Variants in TUSC3 observed in about 807,000 individuals in gnomAD.
TUSC3 encodes tumor suppressor candidate 3, also known as dolichyl-diphosphooligosaccharide--protein glycosyltransferase subunit TUSC3.
A neutral mutation model predicts 44.8 loss-of-function variants in TUSC3; 45 were observed. That is an observed-to-expected ratio of 1.00 (90% CI 0.79 to 1.29). The LOEUF is 1.29. Ranked by LOEUF, TUSC3 falls within the 50% of genes most tolerant of loss-of-function variation. The probability of loss-of-function intolerance (pLI) is 0.00; values close to 1 mark genes in which losing one functional copy is unlikely to be tolerated. For synonymous variants in TUSC3, 212 were observed against 152.9 expected (o/e 1.39, Z -2.85); for missense variants, 519 against 437.9 (o/e 1.19, Z -1.65).
At chr8:15,817,575 C>T in the TUSC3 span, among the ~76,000 whole-genome samples, 1 of 152,010 alleles carries the variant, frequency 6.6e-6, no homozygotes, top group Non-Finnish European at 1.5e-5. Flanking sequence ...CTCATGAGAT[C>T]TGATGGTTTT....
At chr8:15,696,290 G>T (rs1350206629) in intron 6 of TUSC3, among the ~76,000 whole-genome samples, 2 of 152,158 alleles carry the variant, frequency 1.3e-5, no homozygotes, top group Admixed American at 1.3e-4. Flanking sequence ...TCGGGATGTG[G>T]ATTCCGAGGG....
At chr8:15,495,367 G>A (rs1286779280) in intron 2 of TUSC3, among the ~76,000 whole-genome samples, 2 of 152,114 alleles carry the variant, frequency 1.3e-5, no homozygotes, top group African/African-American at 2.4e-5. Context: ...TTTGTCAAAT[G>A]CCAATTATTT....
chr8:15,741,700 A>C (rs988578094), intron 7 of TUSC3, among the ~76,000 whole-genome samples: 1 of 152,334 alleles, frequency 6.6e-6, no homozygotes, highest in South Asian at 2.1e-4. Flanking sequence ...AAATTAAAAA[A>C]AAAAAATTAA....
chr8:15,794,615 T>A, the TUSC3 span, among the ~76,000 whole-genome samples: 1 of 152,118 alleles, frequency 6.6e-6, no homozygotes, highest in Non-Finnish European at 1.5e-5. Context: ...ATAACAGGAT[T>A]TTTTTTCTGG....
chr8:15,633,790 G>C (rs1388358711), intron 2 of TUSC3, among the ~76,000 whole-genome samples: 3 of 152,116 alleles, frequency 2.0e-5, no homozygotes, highest in Non-Finnish European at 4.4e-5. Context: ...CTCATACCTT[G>C]ATTTTAGACT....
intron 1 of TUSC3, among the ~76,000 whole-genome samples, chr8:15,586,289 A>G (rs1362440712): frequency 1.3e-5 from 2 of 152,300 alleles, no homozygotes; most frequent in East Asian, 1.9e-4. Context: ...AGAAGCTTGT[A>G]TAAGTCATTA....
the TUSC3 span, among the ~76,000 whole-genome samples, chr8:15,808,743 G>A: frequency 6.6e-6 from 1 of 152,104 alleles, no homozygotes; most frequent in Non-Finnish European, 1.5e-5. Flanking sequence ...GTCAGTCAGT[G>A]TTAGCTTTGG....
At chr8:15,526,723 C>G (rs1585076438) in intron 2 of TUSC3, among the ~76,000 whole-genome samples, 2 of 152,126 alleles carry the variant, frequency 1.3e-5, no homozygotes, top group East Asian at 3.9e-4. Context: ...TACCCAGTCT[C>G]AGGTATGTGT....
intron 6 of TUSC3, among the ~76,000 whole-genome samples, chr8:15,719,817 T>C (rs1012375615): frequency 5.3e-5 from 8 of 152,224 alleles, no homozygotes; most frequent in Admixed American, 1.3e-4. Context: ...AGCTCAATTC[T>C]ACACAGAATT....
intron 5 of TUSC3, among the ~76,000 whole-genome samples, chr8:15,665,155 C>G (rs957360875): frequency 1.3e-5 from 2 of 151,492 alleles, no homozygotes; most frequent in African/African-American, 2.4e-5. Context: ...TGTCATCTGA[C>G]TTACACAAAC....
rs185032816 is a variant in TUSC3 at position 15,606,553 on chromosome 8, T to C, written c.139-16527T>C. On this transcript the variant is annotated intron_variant, in intron 1 of 10. Transcript: ENST00000503731. Reference sequence around the variant, plus strand: ...TAATGAGTGAATAGGCACACACAAATTGTGGATATTCTTGTAGGTAAGTCT... The same window carrying C: ...TAATGAGTGAATAGGCACACACAAACTGTGGATATTCTTGTAGGTAAGTCT... 9.3e-4 allele frequency among the ~76,000 whole-genome samples: 141 copies of C among 152,172 alleles called. 2 individuals are homozygous for C. The highest frequency in any genetic ancestry group is 3.3e-3 in the African/African-American group (136 of 41,554).
intron 6 of TUSC3, among the ~76,000 whole-genome samples, chr8:15,685,417 T>G (rs901542746): frequency 1.3e-5 from 2 of 152,124 alleles, no homozygotes; most frequent in African/African-American, 4.8e-5. Context: ...ATTCAGAGTG[T>G]GATGGTTTAT....
intron 2 of TUSC3, among the ~76,000 whole-genome samples, chr8:15,486,593 C>T (rs952768050): frequency 5.3e-5 from 8 of 151,752 alleles, no homozygotes; most frequent in Non-Finnish European, 8.8e-5. Context: ...TACAGGCGCC[C>T]GCCACCATGC....
chr8:15,594,334 T>G (rs1043759947), intron 1 of TUSC3, among the ~76,000 whole-genome samples: 1 of 152,170 alleles, frequency 6.6e-6, no homozygotes, highest in Non-Finnish European at 1.5e-5. Flanking sequence ...TTAATGTGCT[T>G]GTCTGGTAAT....
chr8:15,474,848 C>T (rs1800553401), intron 1 of TUSC3, among the ~76,000 whole-genome samples: 1 of 152,148 alleles, frequency 6.6e-6, no homozygotes, highest in African/African-American at 2.4e-5. Context: ...CACACACAAC[C>T]CATCCCAACC....
At chr8:15,423,180 G>T (rs1269012287) in intron 1 of TUSC3, among the ~76,000 whole-genome samples, 3 of 152,126 alleles carry the variant, frequency 2.0e-5, no homozygotes, top group Non-Finnish European at 4.4e-5. Flanking sequence ...ATTTGCACAT[G>T]TACAAGCACA....
intron 1 of TUSC3, among the ~76,000 whole-genome samples, chr8:15,608,002 G>T (rs185211024): frequency 6.6e-6 from 1 of 152,312 alleles, no homozygotes; most frequent in Admixed American, 6.5e-5. Context: ...AGCAAGTGCA[G>T]TTTGGGGTTT....
intron 2 of TUSC3, among the ~76,000 whole-genome samples, chr8:15,643,381 A>T (rs1806472685): frequency 6.6e-6 from 1 of 151,634 alleles, no homozygotes; most frequent in South Asian, 2.1e-4. Flanking sequence ...GGCATACCAC[A>T]TTTAAGCATT....
At chr8:15,608,039 GTC>G (rs1804609516) in intron 1 of TUSC3, among the ~76,000 whole-genome samples, 1 of 152,182 alleles carries the variant, frequency 6.6e-6, no homozygotes, top group South Asian at 2.1e-4. Flanking sequence ...TGGTGAGAAT[GTC>G]TATAACAATA....
Sources: allele counts gnomAD v4.1 joint callset (sites outside exome capture counted in the v4.1 genomes callset), GRCh38; gene constraint gnomAD v4.1.1; transcripts MANE v1.5; gene names NCBI Gene and HGNC (gene_info 2026-07-23, HGNC 2026-07-21).